CUX2: variants seen among roughly 807,000 people sequenced by gnomAD.
CUX2 encodes homeobox protein cut-like 2.
A neutral mutation model predicts 144.8 loss-of-function variants in CUX2; 40 were observed. That is an observed-to-expected ratio of 0.28 (90% CI 0.21 to 0.36). The LOEUF is 0.36. CUX2 is among the 10% of genes least tolerant of loss of function. CUX2 has a pLI of 1.00. For synonymous variants in CUX2, 827 were observed against 875.6 expected (o/e 0.94, Z 0.98); for missense variants, 1,615 against 1,994.0 (o/e 0.81, Z 3.62).
At chr12:111,216,713 G>A (rs1002365884) in intron 2 of CUX2, among the ~76,000 whole-genome samples, 2 of 152,102 alleles carry the variant, frequency 1.3e-5, no homozygotes, top group African/African-American at 2.4e-5. Flanking sequence ...GCTCAGCCTC[G>A]CACCCATGGC....
intron 1 of CUX2, among the ~76,000 whole-genome samples, chr12:111,139,054 A>G (rs1362291708): frequency 6.6e-6 from 1 of 151,050 alleles, no homozygotes; most frequent in African/African-American, 2.4e-5. Flanking sequence ...CCAAGACAGA[A>G]TCCCATCTGG....
At chr12:111,082,561 G>A (rs1253191964) in intron 1 of CUX2, among the ~76,000 whole-genome samples, 7 of 152,206 alleles carry the variant, frequency 4.6e-5, no homozygotes, top group African/African-American at 1.7e-4. Context: ...CCCCTGGGAT[G>A]TTAAAGCCCA....
chr12:111,257,641 T>G (rs1883903777), intron 3 of CUX2, among the ~76,000 whole-genome samples: 1 of 120,208 alleles, frequency 8.3e-6, no homozygotes, highest in African/African-American at 3.2e-5. Context: ...CTCCTCCCTC[T>G]TCCTCCTCCT....
At chr12:111,122,834 G>A (rs1401286929) in intron 1 of CUX2, among the ~76,000 whole-genome samples, 1 of 152,198 alleles carries the variant, frequency 6.6e-6, no homozygotes, top group African/African-American at 2.4e-5. Context: ...TTCAAATGGG[G>A]CAGGGGACTG....
chr12:111,153,464 A>G (rs1425343602), intron 1 of CUX2, among the ~76,000 whole-genome samples: 3 of 152,208 alleles, frequency 2.0e-5, no homozygotes, highest in African/African-American at 7.2e-5. Context: ...TGTTGCTCCT[A>G]GACCACAAAC....
At chr12:111,038,464 T>C (rs1359083987) in intron 1 of CUX2, among the ~76,000 whole-genome samples, 1 of 152,246 alleles carries the variant, frequency 6.6e-6, no homozygotes, top group Non-Finnish European at 1.5e-5. Flanking sequence ...TGAGAGGGGT[T>C]GGCATTAGGT....
At chr12:111,336,861 C>T (rs991083516) in intron 19 of CUX2, among the ~76,000 whole-genome samples, 5 of 151,702 alleles carry the variant, frequency 3.3e-5, no homozygotes, top group Non-Finnish European at 5.9e-5. Context: ...ACAAATATTG[C>T]GTTGCAACTT....
At chr12:111,147,213 T>C (rs1247999772) in intron 1 of CUX2, among the ~76,000 whole-genome samples, 1 of 152,200 alleles carries the variant, frequency 6.6e-6, no homozygotes, top group Non-Finnish European at 1.5e-5. Context: ...AGATGAACTG[T>C]GGAGAATTAT....
At chr12:111,332,630 TA>T (rs35712283) in intron 18 of CUX2, among the ~76,000 whole-genome samples, 46,085 of 152,024 alleles carry the variant, frequency 0.3, 7,739 homozygotes, top group East Asian at 0.59. Flanking sequence ...CGTTTTGAGG[TA>T]ACTTCTAATT....
At chr12:111,105,506 T>C (rs1013279094) in intron 1 of CUX2, among the ~76,000 whole-genome samples, 3 of 152,158 alleles carry the variant, frequency 2.0e-5, no homozygotes, top group African/African-American at 4.8e-5. Flanking sequence ...TGTGTGTGTG[T>C]GTGCTCACGC....
At chr12:111,170,441 G>GAAA (rs66614071) in intron 1 of CUX2, among the ~76,000 whole-genome samples, 25,137 of 140,064 alleles carry the variant, frequency 0.18, 3,037 homozygotes, top group East Asian at 0.49. Flanking sequence ...AAGAAAGAAA[G>GAAA]AAAAAAAAAA....
At chr12:111,122,523 T>G (rs1874753154) in intron 1 of CUX2, among the ~76,000 whole-genome samples, 1 of 152,206 alleles carries the variant, frequency 6.6e-6, no homozygotes, top group African/African-American at 2.4e-5. Flanking sequence ...GATTTCCCTC[T>G]CCGAGTGCCT....
At chr12:111,063,635 G>A (rs1870889656) in intron 1 of CUX2, among the ~76,000 whole-genome samples, 5 of 152,242 alleles carry the variant, frequency 3.3e-5, no homozygotes, top group Admixed American at 3.3e-4. Flanking sequence ...CTTGGGGGCT[G>A]GGGGTTCTCA....
At position 111,287,421 on chromosome 12, in the gene CUX2, C is replaced by G. The variant is rs1885445887; in HGVS notation, c.302-3997C>G. 6.6e-6 allele frequency among the ~76,000 whole-genome samples: 1 copy of G among 152,232 alleles called. No individual in the cohort carries two copies. ...CGAGTGCTCGTTGCCTTTTTTCCTC[C>G]TGTCTCAAAAACCGGGACACAATAG... On this transcript the variant is annotated intron_variant, in intron 4 of 21. Transcript: ENST00000261726. This position sits in a 1 kb window ranked among gnomAD's most constrained non-coding sequence, Gnocchi z 4.2.
rs76573127 is a variant in CUX2 at position 111,057,015 on chromosome 12, G to A, written c.63+22775G>A. Among the ~76,000 whole-genome samples, 5,991 of 151,962 alleles carry A rather than the reference G, an allele frequency of 0.039. 404 individuals carry two copies. The highest frequency in any genetic ancestry group is 0.14 in the African/African-American group (5,729 of 41,380). On this transcript the variant is annotated intron_variant, in intron 1 of 21. Coordinates refer to ENST00000261726, the MANE Select transcript of CUX2 (RefSeq NM_015267.4). The surrounding 1 kb of genome is among the most constrained non-coding windows in gnomAD (Gnocchi z 5.1). Reference sequence around the variant, plus strand: ...TAACAAGCGGTGGCCAAGCTGGAATGGTTGTGACAAGAGGTTGTGTGAGGG... The same window carrying A: ...TAACAAGCGGTGGCCAAGCTGGAATAGTTGTGACAAGAGGTTGTGTGAGGG...
intron 4 of CUX2, among the ~76,000 whole-genome samples, chr12:111,279,319 T>C (rs1885014714): frequency 6.6e-6 from 1 of 152,196 alleles, no homozygotes; most frequent in African/African-American, 2.4e-5. Flanking sequence ...GCCTTGGCAG[T>C]TCCTCGGTCC....
rs541818633 is a variant in CUX2, at chr12:111,295,088, C to T, written c.561-245C>T. ...TGAGGACCAGAGAGGTTGCTTGCTA[C>T]TGTAAATTTTGCCCCTAAAAATCCT... is the stretch of plus-strand genomic sequence containing the variant. On this transcript the variant is annotated intron_variant, in intron 6 of 21. Coordinates refer to ENST00000261726, the MANE Select transcript of CUX2 (RefSeq NM_015267.4). The surrounding 1 kb of genome is among the most constrained non-coding windows in gnomAD (Gnocchi z 5.0). 3.0e-4 allele frequency among the ~76,000 whole-genome samples: 46 copies of T among 152,290 alleles called. No individual in the cohort carries two copies. Among genetic ancestry groups the T allele is most frequent in the African/African-American group, 1.1e-3 (46 of 41,560 alleles).
In CUX2 at chr12:111,069,254, A is replaced by G. The variant is rs142416444; in HGVS notation, c.63+35014A>G. Among the ~76,000 whole-genome samples the G allele has an allele frequency of 7.2e-5, 11 of 152,274 alleles. No individual in the cohort carries two copies. The East Asian group carries it at 1.2e-3, about 16-fold the overall frequency. On this transcript the variant is annotated intron_variant, in intron 1 of 21. Transcript: ENST00000261726. The stretch of plus-strand genomic sequence containing the variant: ...ACTTCCTTAGCACGGAGCCCAATAC[A>G]TAGTAAGTGCTCACTTCTCCAGGTT...
intron 1 of CUX2, among the ~76,000 whole-genome samples, chr12:111,147,047 A>T (rs1876724431): frequency 6.6e-6 from 1 of 152,152 alleles, no homozygotes; most frequent in South Asian, 2.1e-4. Context: ...AGGCAGGAGA[A>T]TTGCTTGAAC....
Sources: gnomAD v4.1 joint callset for allele counts (sites outside exome capture counted in the v4.1 genomes callset) on GRCh38, gnomAD v4.1.1 for gene constraint, Gnocchi (gnomAD v3.1) non-coding constraint, MANE v1.5 for transcripts, NCBI Gene and HGNC (gene_info 2026-07-23, HGNC 2026-07-21) for gene names.